Variants in NBAS observed in about 807,000 individuals in gnomAD.
NBAS encodes NBAS subunit of NRZ tethering complex.
NBAS carries 219 observed loss-of-function variants against 302.5 expected under a neutral mutation model. The ratio of observed to expected loss-of-function variants is 0.72; its 90% CI spans 0.65 to 0.81. The LOEUF (loss-of-function observed/expected upper bound fraction) is 0.81, where lower values mean the gene tolerates loss of function less well. NBAS is among the 30% of genes least tolerant of loss of function. The pLI is 0.00. For missense variants in NBAS, 2,932 were observed against 2,841.6 expected, an observed-to-expected ratio of 1.03 and a Z score of -0.72; for synonymous variants, 1,118 against 1,021.6, an observed-to-expected ratio of 1.09 and a Z score of -1.80.
At chr2:15,396,537 A>G in intron 26 of NBAS, 62 bp from the exon 27 acceptor site, 1 of 1,143,800 alleles carries the variant, frequency 8.7e-7, no homozygotes, top group Non-Finnish European at 1.2e-6. Context: ...TTTAAATAAA[A>G]TACAAAACTT....
the NBAS span, among the ~76,000 whole-genome samples, chr2:15,084,985 C>T: frequency 6.6e-6 from 1 of 152,218 alleles, no homozygotes; most frequent in Admixed American, 6.5e-5. Flanking sequence ...TCATGCTGGC[C>T]GCTGCAGGGA....
intron 51 of NBAS, among the ~76,000 whole-genome samples, chr2:15,169,027 T>C (rs1203385807): frequency 6.6e-6 from 1 of 152,238 alleles, no homozygotes; most frequent in Non-Finnish European, 1.5e-5. Context: ...CCCATTTCAT[T>C]AACATTTGTT....
the NBAS span, among the ~76,000 whole-genome samples, chr2:15,011,257 C>G: frequency 6.6e-6 from 1 of 152,090 alleles, no homozygotes; most frequent in Non-Finnish European, 1.5e-5. Flanking sequence ...GGTTGAAGTG[C>G]TGGGGCTTTG....
chr2:15,508,297 T>A (rs1434224115), intron 10 of NBAS, among the ~76,000 whole-genome samples: 1 of 152,168 alleles, frequency 6.6e-6, no homozygotes, highest in Non-Finnish European at 1.5e-5. Context: ...GGACCATACA[T>A]AGCAGAGTAG....
intron 42 of NBAS, among the ~76,000 whole-genome samples, chr2:15,282,337 G>A (rs1669860219): frequency 1.3e-5 from 2 of 152,068 alleles, no homozygotes; most frequent in South Asian, 2.1e-4. Context: ...GTAGCAACCC[G>A]GACACAAACC....
chr2:15,270,934 T>G (rs1669289907), intron 44 of NBAS, among the ~76,000 whole-genome samples: 1 of 152,180 alleles, frequency 6.6e-6, no homozygotes, highest in Admixed American at 6.5e-5. Context: ...CATTTTAATG[T>G]CAGTTTCAGA....
intron 40 of NBAS, among the ~76,000 whole-genome samples, chr2:15,302,422 C>T (rs1670844189): frequency 6.6e-6 from 1 of 152,084 alleles, no homozygotes; most frequent in Non-Finnish European, 1.5e-5. Flanking sequence ...ATCACTGGGC[C>T]CCATGTACTG....
chr2:14,955,601 G>A, the NBAS span, among the ~76,000 whole-genome samples: 2 of 152,362 alleles, frequency 1.3e-5, no homozygotes, highest in South Asian at 4.1e-4. Flanking sequence ...TCTAGGCAGA[G>A]GTTCCCCAAC....
At chr2:15,081,872 C>T in the NBAS span, among the ~76,000 whole-genome samples, 9 of 152,164 alleles carry the variant, frequency 5.9e-5, no homozygotes, top group Non-Finnish European at 1.2e-4. Context: ...ATTTGGCAGA[C>T]ATTATAACAT....
intron 34 of NBAS, among the ~76,000 whole-genome samples, chr2:15,352,651 A>G (rs1335754171): frequency 6.6e-6 from 1 of 151,224 alleles, no homozygotes; most frequent in Non-Finnish European, 1.5e-5. Flanking sequence ...ATGGGAGGGG[A>G]GCGTGCGCAG....
chr2:14,829,242 T>C, the NBAS span, among the ~76,000 whole-genome samples: 1 of 152,126 alleles, frequency 6.6e-6, no homozygotes, highest in East Asian at 1.9e-4. Context: ...CTACATGTGC[T>C]TCATGACTGC....
the NBAS span, among the ~76,000 whole-genome samples, chr2:14,887,876 G>T: frequency 6.6e-6 from 1 of 152,306 alleles, no homozygotes. Flanking sequence ...ATGTATGACT[G>T]AAAGGTATTA....
intron 40 of NBAS, among the ~76,000 whole-genome samples, chr2:15,306,042 T>C (rs1671021029): frequency 6.6e-6 from 1 of 152,230 alleles, no homozygotes; most frequent in Non-Finnish European, 1.5e-5. Flanking sequence ...TGTGTTTCAA[T>C]GTACTTAGAG....
At chr2:15,335,174 TAAAAAAAAA>T (rs34790746) in intron 35 of NBAS, among the ~76,000 whole-genome samples, 2 of 117,278 alleles carry the variant, frequency 1.7e-5, no homozygotes, top group Admixed American at 1.8e-4. Context: ...TCATCTCTCT[TAAAAAAAAA>T]AAAAAAAAAA....
the NBAS span, among the ~76,000 whole-genome samples, chr2:14,879,772 A>G: frequency 6.6e-6 from 1 of 152,220 alleles, no homozygotes; most frequent in Admixed American, 6.5e-5. Flanking sequence ...ACTAACAAAG[A>G]CCACTTTGGG....
chr2:15,533,225 T>C (rs901019639), intron 9 of NBAS, among the ~76,000 whole-genome samples: 5 of 152,202 alleles, frequency 3.3e-5, no homozygotes, highest in Non-Finnish European at 7.3e-5. Flanking sequence ...TCTAGTAAAG[T>C]TGAAGATGTA....
intron 9 of NBAS, among the ~76,000 whole-genome samples, chr2:15,514,869 T>G (rs1662313138): frequency 6.6e-6 from 1 of 152,096 alleles, no homozygotes; most frequent in South Asian, 2.1e-4. Flanking sequence ...TAGATAAAAC[T>G]GTCTACAAAA....
At chr2:15,345,038 C>T (rs1673025798) in intron 35 of NBAS, among the ~76,000 whole-genome samples, 1 of 152,056 alleles carries the variant, frequency 6.6e-6, no homozygotes, top group African/African-American at 2.4e-5. Context: ...ATGACAAACC[C>T]AAAGCCAATA....
the NBAS span, among the ~76,000 whole-genome samples, chr2:14,910,371 T>C: frequency 1.3e-5 from 2 of 152,188 alleles, no homozygotes; most frequent in Non-Finnish European, 2.9e-5. Flanking sequence ...TTGCATAGAA[T>C]AAGGAGTTTG....
Sources: allele counts gnomAD v4.1 joint callset (sites outside exome capture counted in the v4.1 genomes callset), GRCh38; gene constraint gnomAD v4.1.1; transcripts MANE v1.5; gene names NCBI Gene and HGNC (gene_info 2026-07-23, HGNC 2026-07-21).